Variants in ZBTB20 observed in about 807,000 individuals in gnomAD.
ZBTB20 encodes zinc finger and BTB domain-containing protein 20.
ZBTB20 carries 9 observed loss-of-function variants against 56.9 expected under a neutral mutation model. The observed-to-expected ratio is 0.16, with a 90% CI of 0.10 to 0.28. The LOEUF is 0.28. Among genes scored for constraint, ZBTB20 ranks in the 10% least tolerant of loss-of-function variants. The pLI is 1.00. For missense variants in ZBTB20, 655 were observed against 1,003.0 expected (o/e 0.65, Z 4.69); for synonymous variants, 417 against 420.7 (o/e 0.99, Z 0.11).
chr3:115,139,478 ATTTC>A (rs2084749570), intron 1 of ZBTB20, among the ~76,000 whole-genome samples: 1 of 152,014 alleles, frequency 6.6e-6, no homozygotes, highest in Admixed American at 6.6e-5. Context: ...TCCTAGTCAG[ATTTC>A]TTTGCCTACC....
intron 2 of ZBTB20, among the ~76,000 whole-genome samples, chr3:115,054,168 A>G (rs2108447895): frequency 6.6e-6 from 1 of 151,588 alleles, no homozygotes; most frequent in South Asian, 2.1e-4. Flanking sequence ...GAAACAAACT[A>G]TAGAGAAATA....
In ZBTB20 at chr3:114,547,989, G is replaced by T. The variant is rs564121048; in HGVS notation, c.-294-47598C>A. Among the ~76,000 whole-genome samples the T allele has an allele frequency of 1.8e-4, 27 of 152,180 alleles. No individual in the cohort carries two copies. In the South Asian group the frequency reaches 5.2e-3, roughly 29 times the overall value. ...ATTTAAAAATCAATAATTTTTCTTA[G>T]TGTACTTGGATATCTTCCTTTTCCT... On this transcript the variant is annotated intron_variant, in intron 6 of 11. Transcript: ENST00000675478.
intron 7 of ZBTB20, among the ~76,000 whole-genome samples, chr3:114,419,432 T>C (rs2088914891): frequency 6.6e-6 from 1 of 151,988 alleles, no homozygotes; most frequent in Admixed American, 6.6e-5. Context: ...CACATAGTAA[T>C]AGGGCAGGAA....
rs925486824 is a variant in ZBTB20 at position 114,315,605 on chromosome 3, G to A, written c.*23400C>T. ...TGTGTGTGTGTGTGTGTGTGTGTGT[G>A]TACACAGTAGCAATTGCAAAAAAGG... On this transcript the variant is annotated 3_prime_UTR_variant, in exon 12 of 12. Transcript: ENST00000675478. 1.1e-4 allele frequency: 17 copies of A among 151,996 alleles called. No individual in the cohort carries two copies. Among genetic ancestry groups the A allele is most frequent in the Middle Eastern group, 3.5e-3 (1 of 286 alleles). The allele number at this position is 151,996 out of a possible 1,614,324, so 9.4% of individuals were successfully genotyped here.
At chr3:114,501,857 C>T (rs1328997885) in intron 6 of ZBTB20, among the ~76,000 whole-genome samples, 1 of 151,364 alleles carries the variant, frequency 6.6e-6, no homozygotes, top group Non-Finnish European at 1.5e-5. Context: ...TACAGGCACG[C>T]ACCACCACAC....
At chr3:114,573,487 C>A (rs1408911866) in intron 6 of ZBTB20, among the ~76,000 whole-genome samples, 68 of 90,320 alleles carry the variant, frequency 7.5e-4, no homozygotes, top group East Asian at 1.1e-3. Context: ...GAAAGAAAGA[C>A]AGAAAGAAAG....
intron 2 of ZBTB20, among the ~76,000 whole-genome samples, chr3:114,993,704 A>G (rs987209470): frequency 2.0e-5 from 3 of 151,924 alleles, no homozygotes; most frequent in Non-Finnish European, 4.4e-5. Flanking sequence ...TTAATTATTT[A>G]AAATGAACAC....
rs934548417 is a variant in ZBTB20, at chr3:114,931,704, G to GT, written c.-455-31363dup. Among the ~76,000 whole-genome samples the GT allele has an allele frequency of 1.5e-3, 216 of 146,476 alleles. 1 individual carries two copies. Among genetic ancestry groups the GT allele is most frequent in the East Asian group, 2.4e-3 (12 of 5,026 alleles). Reference sequence around the variant, plus strand: ...GTTTTTATTGTTGTTGTTTTTGTGTGTTTTTTTTTTAGTTTGGTTTTTCTC... The same window carrying GT: ...GTTTTTATTGTTGTTGTTTTTGTGTGTTTTTTTTTTTAGTTTGGTTTTTCTC... On this transcript the variant is annotated intron_variant, in intron 3 of 11. Coordinates refer to ENST00000675478, the MANE Select transcript of ZBTB20 (RefSeq NM_001348800.3).
At position 114,338,951 on chromosome 3, in the gene ZBTB20, T is replaced by C. The variant is rs1025811840; in HGVS notation, c.*54A>G. The C allele has an allele frequency of 2.8e-6, 4 of 1,448,866 alleles. No homozygotes were observed. The highest frequency in any genetic ancestry group is 2.8e-5 in the African/African-American group (2 of 70,820). 89.8% of individuals were successfully genotyped at this position (1,448,866 alleles called of 1,614,324 possible). A position where few individuals can be genotyped will look rare whatever the true frequency, so the allele number is the denominator to read the frequency against. On this transcript the variant is annotated 3_prime_UTR_variant, in exon 12 of 12. Coordinates refer to ENST00000675478, the MANE Select transcript of ZBTB20 (RefSeq NM_001348800.3). ...TCTAGTGCCATAGCTTTTTTGTTTGTTTGTTTTTTGTTGTTGTTTTGTTTT... is the reference window on the plus strand; with the variant it reads ...TCTAGTGCCATAGCTTTTTTGTTTGCTTGTTTTTTGTTGTTGTTTTGTTTT...
intron 5 of ZBTB20, among the ~76,000 whole-genome samples, chr3:114,740,742 CATG>C (rs1263215634): frequency 2.0e-5 from 3 of 152,180 alleles, no homozygotes; most frequent in Non-Finnish European, 4.4e-5. Flanking sequence ...TGGATTTTCT[CATG>C]ATATCTTTTG....
chr3:114,843,680 T>C (rs1342785497), intron 4 of ZBTB20, among the ~76,000 whole-genome samples: 1 of 151,722 alleles, frequency 6.6e-6, no homozygotes. Flanking sequence ...AGCATATATA[T>C]ATATATTTTT....
chr3:114,730,540 G>A (rs1040989995), intron 5 of ZBTB20, among the ~76,000 whole-genome samples: 3 of 152,188 alleles, frequency 2.0e-5, no homozygotes, highest in African/African-American at 7.2e-5. Flanking sequence ...TCATAAGGTT[G>A]GCACTCTAAT....
intron 6 of ZBTB20, among the ~76,000 whole-genome samples, chr3:114,632,143 G>A (rs1406619188): frequency 6.6e-6 from 1 of 152,140 alleles, no homozygotes; most frequent in Non-Finnish European, 1.5e-5. Context: ...ATTATGGAAG[G>A]GGTCTACTTG....
At chr3:114,857,880 C>T (rs1171202277) in intron 4 of ZBTB20, among the ~76,000 whole-genome samples, 1 of 152,198 alleles carries the variant, frequency 6.6e-6, no homozygotes, top group Non-Finnish European at 1.5e-5. Flanking sequence ...CAATCAGTGT[C>T]CCTTGTGGTG....
intron 7 of ZBTB20, among the ~76,000 whole-genome samples, chr3:114,480,902 C>A (rs977276089): frequency 6.6e-6 from 1 of 151,218 alleles, no homozygotes; most frequent in African/African-American, 2.4e-5. Flanking sequence ...ATGGAAAGAA[C>A]AACAATTAGT....
At chr3:114,377,898 G>A (rs1285871018) in intron 10 of ZBTB20, among the ~76,000 whole-genome samples, 1 of 152,112 alleles carries the variant, frequency 6.6e-6, no homozygotes. Context: ...AAATAAAAAG[G>A]TGCTATAAAA....
At chr3:114,413,402 TA>T (rs1179888123) in intron 7 of ZBTB20, among the ~76,000 whole-genome samples, 4 of 152,170 alleles carry the variant, frequency 2.6e-5, no homozygotes, top group Non-Finnish European at 5.9e-5. Flanking sequence ...ACATAAATAG[TA>T]TCACAAAGGT....
rs1376785900 is a variant in ZBTB20 at position 114,328,016 on chromosome 3, T to C, written c.*10989A>G. 1.3e-5 allele frequency: 2 copies of C among 152,216 alleles called. No homozygotes were observed. The highest frequency in any genetic ancestry group is 6.5e-5 in the Admixed American group (1 of 15,278). 9.4% of individuals were successfully genotyped at this position (152,216 alleles called of 1,614,324 possible). A position where few individuals can be genotyped will look rare whatever the true frequency, so the allele number is the denominator to read the frequency against. ...TAATCCACTGCAGGGAGATCTAGCA[T>C]GACAACCAAATTATATGGGGCGTAT... On this transcript the variant is annotated 3_prime_UTR_variant, in exon 12 of 12. Transcript: ENST00000675478.
rs58349036 is a variant in ZBTB20 at position 115,111,446 on chromosome 3, A to G, written c.-703+35773T>C. ...GGTCACAAACGGAAATAAACTGCAA[A>G]CCACTGTAAGCTAATATCTTAATAA... On this transcript the variant is annotated intron_variant, in intron 1 of 11. Transcript: ENST00000675478. Among the ~76,000 whole-genome samples the G allele has an allele frequency of 5.9e-3, 906 of 152,276 alleles. 13 individuals carry two copies. Among genetic ancestry groups the G allele is most frequent in the African/African-American group, 0.021 (877 of 41,550 alleles).
Sources: gnomAD v4.1 joint callset for allele counts (sites outside exome capture counted in the v4.1 genomes callset) on GRCh38, gnomAD v4.1.1 for gene constraint, MANE v1.5 for transcripts, NCBI Gene and HGNC (gene_info 2026-07-23, HGNC 2026-07-21) for gene names.